The following SLC17A6 variants were observed in gnomAD, a reference collection of about 807,000 sequenced individuals.
SLC17A6 encodes vesicular glutamate transporter 2.
SLC17A6 carries 35 observed loss-of-function variants against 67.1 expected under a neutral mutation model. The ratio of observed to expected loss-of-function variants is 0.52; its 90% CI spans 0.40 to 0.69. The LOEUF (loss-of-function observed/expected upper bound fraction) is 0.69. Among genes scored for constraint, SLC17A6 ranks in the 30% least tolerant of loss-of-function variants. SLC17A6 has a pLI of 0.00. For missense variants in SLC17A6, 588 were observed against 723.9 expected (o/e 0.81, Z 2.15); for synonymous variants, 285 against 252.3 (o/e 1.13, Z -1.23).
At chr11:22,343,178 C>T (rs1855838628) in intron 2 of SLC17A6, 69 bp from the exon 3 acceptor site, 2 of 1,304,198 alleles carry the variant, frequency 1.5e-6, no homozygotes, top group Non-Finnish European at 2.2e-6. Flanking sequence ...GGCTTGTGAA[C>T]CACTGAAAGT....
chr11:22,365,977 T>C (rs1237545052), intron 7 of SLC17A6, among the ~76,000 whole-genome samples: 1 of 152,170 alleles, frequency 6.6e-6, no homozygotes, highest in Non-Finnish European at 1.5e-5. Context: ...ATGGTCTATA[T>C]TTAAACAAAT....
chr11:22,358,397 G>T (rs1459521371), intron 3 of SLC17A6, among the ~76,000 whole-genome samples: 3 of 152,236 alleles, frequency 2.0e-5, no homozygotes, highest in Middle Eastern at 3.4e-3. Flanking sequence ...GTGCGATCTT[G>T]GTTCACTGCA....
In SLC17A6 at chr11:22,365,664, G is replaced by C; in HGVS notation, c.866G>C (p.Ser289Thr). 1 of 1,613,352 alleles carries C rather than the reference G, an allele frequency of 6.2e-7. No individual in the cohort carries two copies. The highest frequency in any genetic ancestry group is 2.2e-5 in the East Asian group (1 of 44,818). ...TACATAGAAGAAAGCATTGGAGAGA[G>C]TGCAAATCTTTTAGGTGCAATGGAA... ...RRYIEESIGE[S>T]ANLLGAMEKF... Residue 289 changes from serine (S) to threonine (T), a missense_variant, in exon 7 of 12, where the codon AGT becomes ACT. Ser to Thr is a moderately conservative substitution (Grantham distance 58). This residue lies in a region of SLC17A6 where 414 missense variants were observed against 563.4 expected (regional missense o/e 0.73). Coordinates refer to ENST00000263160, the MANE Select transcript of SLC17A6 (RefSeq NM_020346.3).
At chr11:22,374,959 T>C in intron 9 of SLC17A6, 72 bp downstream of exon 9, 1 of 1,373,978 alleles carries the variant, frequency 7.3e-7, no homozygotes, top group South Asian at 1.7e-5. Context: ...GAATAACTTT[T>C]TCTACACATA....
At position 22,339,151 on chromosome 11, in the gene SLC17A6, A is replaced by ATGTTATATATATAT. The variant is rs57725309; in HGVS notation, c.86+532_86+533insTGTTATATATATAT. On this transcript the variant is annotated intron_variant, in intron 1 of 11. Coordinates refer to ENST00000263160, the MANE Select transcript of SLC17A6 (RefSeq NM_020346.3). ...TATGTTATATATATATGTTATATAT[A>ATGTTATATATATAT]GTTATATATATATGTTATATATATA... 1.3e-3 allele frequency among the ~76,000 whole-genome samples: 39 copies of ATGTTATATATATAT among 29,792 alleles called. 1 individual carries two copies. Among genetic ancestry groups the ATGTTATATATATAT allele is most frequent in the Non-Finnish European group, 1.7e-3 (30 of 17,538 alleles). 19.5% of individuals were successfully genotyped at this position (29,792 alleles called of 152,430 possible).
intron 5 of SLC17A6, among the ~76,000 whole-genome samples, chr11:22,361,925 A>G (rs539028132): frequency 2.0e-5 from 3 of 152,324 alleles, no homozygotes; most frequent in South Asian, 4.1e-4. Context: ...TACTTAAGCC[A>G]TAAGGTTAAC....
At position 22,348,381 on chromosome 11, in the gene SLC17A6, A is replaced by T. The variant is rs1190184361; in HGVS notation, c.458+5016A>T. On this transcript the variant is annotated intron_variant, in intron 3 of 11. Coordinates refer to ENST00000263160, the MANE Select transcript of SLC17A6 (RefSeq NM_020346.3). ...CCTTAGATTTTATTTTGGCAGGAGA[A>T]TCATACTGAATTTTTTGTGTGTGTG... 5.9e-5 allele frequency among the ~76,000 whole-genome samples: 9 copies of T among 152,296 alleles called. No homozygotes were observed. In the East Asian group the frequency reaches 1.7e-3, roughly 29 times the overall value.
intron 7 of SLC17A6, among the ~76,000 whole-genome samples, chr11:22,366,109 C>G (rs903720134): frequency 6.6e-6 from 1 of 152,032 alleles, no homozygotes; most frequent in African/African-American, 2.4e-5. Context: ...CAAGACCCCC[C>G]GGGTTGCTAC....
chr11:22,339,185 A>ATATGTTATATATATATGTTTTT lies in SLC17A6; in HGVS notation c.86+569_86+570insGTTATATATATATGTTTTTTAT, dbSNP rs61208223. On this transcript the variant is annotated intron_variant, in intron 1 of 11. Coordinates refer to ENST00000263160, the MANE Select transcript of SLC17A6 (RefSeq NM_020346.3). ...TATATGTTATATATATATGTTTTATATATATATATATATATATATGTTAGA... is the reference window on the plus strand; with the variant it reads ...TATATGTTATATATATATGTTTTATATATGTTATATATATATGTTTTTTATATATATATATATATATGTTAGA... Among the ~76,000 whole-genome samples the ATATGTTATATATATATGTTTTT allele has an allele frequency of 4.4e-5, 2 of 45,406 alleles. 1 individual carries two copies. The highest frequency in any genetic ancestry group is 1.9e-4 in the African/African-American group (2 of 10,606). 29.8% of individuals were successfully genotyped at this position (45,406 alleles called of 152,430 possible).
intron 3 of SLC17A6, among the ~76,000 whole-genome samples, chr11:22,343,987 C>A (rs1239961356): frequency 6.6e-6 from 1 of 152,080 alleles, no homozygotes; most frequent in African/African-American, 2.4e-5. Context: ...AAGGTCCTAG[C>A]GCCAGTTCCC....
intron 11 of SLC17A6, among the ~76,000 whole-genome samples, chr11:22,377,094 A>G (rs1453377265): frequency 6.6e-6 from 1 of 152,224 alleles, no homozygotes; most frequent in Non-Finnish European, 1.5e-5. Context: ...ACTACAAGTA[A>G]AGAAACAAAG....
At chr11:22,376,707 G>A in intron 11 of SLC17A6, 35 bp downstream of exon 11, 1 of 1,608,822 alleles carries the variant, frequency 6.2e-7, no homozygotes, top group East Asian at 2.2e-5. Context: ...AGTCATAGAA[G>A]ACAGTTTCTC....
chr11:22,368,089 A>T (rs923558275), intron 7 of SLC17A6, among the ~76,000 whole-genome samples: 6 of 152,196 alleles, frequency 3.9e-5, no homozygotes, highest in African/African-American at 1.4e-4. Flanking sequence ...TAAATAAAAC[A>T]TCAAAATACT....
intron 2 of SLC17A6, among the ~76,000 whole-genome samples, chr11:22,342,571 T>A (rs1216751632): frequency 6.6e-6 from 1 of 151,994 alleles, no homozygotes; most frequent in Non-Finnish European, 1.5e-5. Flanking sequence ...TACCTTGAGG[T>A]TCCCCTCGGG....
chr11:22,339,490 A>T (rs1052086472), intron 1 of SLC17A6, among the ~76,000 whole-genome samples: 2 of 152,144 alleles, frequency 1.3e-5, no homozygotes, highest in African/African-American at 4.8e-5. Flanking sequence ...TAATTATTTA[A>T]TCCTCCTGTA....
chr11:22,368,864 A>ATAG (rs1428870702), intron 7 of SLC17A6, among the ~76,000 whole-genome samples: 4 of 152,202 alleles, frequency 2.6e-5, no homozygotes, highest in Admixed American at 2.6e-4. Flanking sequence ...AATTCATTAC[A>ATAG]TAGTATTAGG....
In SLC17A6 at chr11:22,377,446, A is replaced by T. The variant is rs533580523; in HGVS notation, c.1455A>T (p.Leu485=). 1.9e-6 allele frequency: 3 copies of T among 1,613,640 alleles called. No homozygotes were observed. The highest frequency in any genetic ancestry group is 3.3e-5 in the Admixed American group (2 of 59,992). Residue 485 remains leucine, a synonymous_variant, in exon 12 of 12, where the codon CTA becomes CTT. Transcript: ENST00000263160. ...AGTATGTCTTCCTGATCGCTGCCCTAGTCCACTATGGTGGAGTTATATTTT... is the reference window on the plus strand; with the variant it reads ...AGTATGTCTTCCTGATCGCTGCCCTTGTCCACTATGGTGGAGTTATATTTT... ...EWQYVFLIAA[L]VHYGGVIFYA...
intron 2 of SLC17A6, 42 bp from the exon 3 acceptor site, chr11:22,343,205 C>G: frequency 1.3e-6 from 2 of 1,517,064 alleles, no homozygotes; most frequent in South Asian, 1.1e-5. Context: ...TTGGTACTGA[C>G]TCTACTCTTT....
At chr11:22,366,717 C>T (rs1000613301) in intron 7 of SLC17A6, among the ~76,000 whole-genome samples, 5 of 151,960 alleles carry the variant, frequency 3.3e-5, no homozygotes, top group Non-Finnish European at 7.4e-5. Flanking sequence ...GGTGGCTGGG[C>T]GTCGTGGCTG....
Sources: allele counts gnomAD v4.1 joint callset (sites outside exome capture counted in the v4.1 genomes callset), GRCh38; gene constraint gnomAD v4.1.1; regional missense constraint gnomAD v4.1.1; transcripts MANE v1.5; gene names NCBI Gene and HGNC (gene_info 2026-07-23, HGNC 2026-07-21).